Variants in TPGS2 observed in about 807,000 individuals in gnomAD.
TPGS2 encodes the protein tubulin polyglutamylase complex subunit 2.
TPGS2 carries 26 observed loss-of-function variants against 31.1 expected under a neutral mutation model. That is an observed-to-expected ratio of 0.84 (90% CI 0.61 to 1.16). The LOEUF (loss-of-function observed/expected upper bound fraction) is 1.16, where lower values mean the gene tolerates loss of function less well. Ranked by LOEUF, TPGS2 falls within the 50% of genes most tolerant of loss-of-function variation. The pLI is 0.00. For missense variants in TPGS2, 351 were observed against 363.8 expected (o/e 0.96, Z 0.29); for synonymous variants, 130 against 136.6 (o/e 0.95, Z 0.34).
intron 4 of TPGS2, among the ~76,000 whole-genome samples, chr18:36,802,389 G>T (rs72883573): frequency 6.6e-6 from 1 of 152,202 alleles, no homozygotes; most frequent in Non-Finnish European, 1.5e-5. Context: ...TTTAAGACAC[G>T]TTTTTAAAAT....
chr18:36,806,149 A>G (rs532938035), intron 3 of TPGS2: 1 of 152,334 alleles, frequency 6.6e-6, no homozygotes, highest in South Asian at 2.1e-4. Context: ...TGGAATGTCT[A>G]AGAATAAAAG....
chr18:36,796,576 C>T lies in TPGS2; in HGVS notation c.*229G>A. On this transcript the variant is annotated 3_prime_UTR_variant, in exon 7 of 7. Transcript: ENST00000334295. ...ACTCAGACTTATTTGGGCACTTACA[C>T]AAGATTCCAAATTCCCCATTGCTTC... 1 of 1,321,184 alleles carries T rather than the reference C, an allele frequency of 7.6e-7. No individual in the cohort carries two copies. Among genetic ancestry groups the T allele is most frequent in the Non-Finnish European group, 9.6e-7 (1 of 1,042,616 alleles). The allele number at this position is 1,321,184 out of a possible 1,614,324, so 81.8% of individuals were successfully genotyped here.
chr18:36,798,511 G>T lies in TPGS2; in HGVS notation c.595C>A (p.His199Asn). The part of the protein sequence containing the change: ...FTAYYRLLIT[H>N]LGLPQWQYAF... Reference sequence around the variant, plus strand: ...TATTGCCACTGGGGCAGGCCCAGGTGGGTGATGAGCAGGCGGTAATAGGCA... The same window carrying T: ...TATTGCCACTGGGGCAGGCCCAGGTTGGTGATGAGCAGGCGGTAATAGGCA... The change falls in exon 6 of 7, where the codon CAC (histidine) becomes AAC (asparagine). Residue 199 changes from histidine to asparagine, a missense_variant. Transcript: ENST00000334295. 6.2e-7 allele frequency: 1 copy of T among 1,614,218 alleles called. No individual in the cohort carries two copies. Among genetic ancestry groups the T allele is most frequent in the South Asian group, 1.1e-5 (1 of 91,080 alleles).
At chr18:36,824,001 C>T in intron 1 of TPGS2, 1 of 418,712 alleles carries the variant, frequency 2.4e-6, no homozygotes, top group Non-Finnish European at 3.2e-6. Flanking sequence ...TGCATCCTTT[C>T]CCCCAAAAGA....
At chr18:36,780,569 C>G (rs1299546149), downstream of TPGS2, among the ~76,000 whole-genome samples, 1 of 152,112 alleles carries the variant, frequency 6.6e-6, no homozygotes, top group East Asian at 1.9e-4. Flanking sequence ...TAGGCAGTTT[C>G]ATCATTGTGC....
At chr18:36,785,432 C>T (rs1003950465) in intron 6 of TPGS2, among the ~76,000 whole-genome samples, 4 of 152,178 alleles carry the variant, frequency 2.6e-5, no homozygotes, top group Non-Finnish European at 4.4e-5. Flanking sequence ...CAGCACCAAT[C>T]GGAAAGGTTC....
At chr18:36,813,871 G>A (rs1230634493) in intron 2 of TPGS2, among the ~76,000 whole-genome samples, 2 of 152,210 alleles carry the variant, frequency 1.3e-5, no homozygotes, top group Non-Finnish European at 2.9e-5. Context: ...CCCAGGCAGA[G>A]TAAGAGCATG....
At chr18:36,782,045 A>G (rs933148058), downstream of TPGS2, 2 of 617,278 alleles carry the variant, frequency 3.2e-6, no homozygotes, top group Non-Finnish European at 4.0e-6. Flanking sequence ...TTGGCACTGA[A>G]TGCAGATTTG....
At chr18:36,828,597 G>T in intron 1 of TPGS2, 86 bp downstream of exon 1, 1 of 1,452,272 alleles carries the variant, frequency 6.9e-7, no homozygotes, top group Non-Finnish European at 9.6e-7. Flanking sequence ...TGGGGCCAGC[G>T]TCGCACCGCT....
At chr18:36,818,869 G>A in intron 2 of TPGS2, 25 bp downstream of exon 2, 1 of 1,437,392 alleles carries the variant, frequency 7.0e-7, no homozygotes, top group Non-Finnish European at 9.8e-7. Flanking sequence ...TTGATGGGAG[G>A]TAGAGTTCAT....
intron 1 of TPGS2, chr18:36,820,883 TCCTG>T (rs2045864341): frequency 1.3e-5 from 2 of 152,218 alleles, no homozygotes; most frequent in South Asian, 4.1e-4. Flanking sequence ...ATTCTCCCTG[TCCTG>T]CCTTTGTGAC....
In TPGS2 at chr18:36,795,328, A is replaced by G; in HGVS notation, c.*1477T>C. The G allele has an allele frequency of 1.0e-6, 1 of 985,594 alleles. No individual in the cohort carries two copies. Among genetic ancestry groups the G allele is most frequent in the Non-Finnish European group, 1.2e-6 (1 of 830,052 alleles). 61.1% of individuals were successfully genotyped at this position (985,594 alleles called of 1,614,324 possible). On this transcript the variant is annotated 3_prime_UTR_variant, in exon 7 of 7. Coordinates refer to ENST00000334295, the MANE Select transcript of TPGS2 (RefSeq NM_015476.4). Reference sequence around the variant, plus strand: ...GCAAAGGAAGGAAGTCTGGCCAATCACCGGGGTAGAGAGAAGTCAGGAAAG... The same window carrying G: ...GCAAAGGAAGGAAGTCTGGCCAATCGCCGGGGTAGAGAGAAGTCAGGAAAG...
Position 36,818,946 on chromosome 18 carries a change from GT to G in TPGS2, c.112del (p.Thr38ProfsTer3). ...LESSPGVTEV[T>X]IIEKPPAERH... ...TTCAGCAGGAGGCTTTTCTATGATG[GT>G]CACCTCAGTCACACCTGGGGAAGAT... On this transcript the variant is annotated frameshift_variant, in exon 2 of 7. Coordinates refer to ENST00000334295, the MANE Select transcript of TPGS2 (RefSeq NM_015476.4). LOFTEE classifies it high-confidence loss of function. 1 of 1,613,662 alleles carries G rather than the reference GT, an allele frequency of 6.2e-7. No individual in the cohort carries two copies.
intron 5 of TPGS2, among the ~76,000 whole-genome samples, chr18:36,799,019 CG>C (rs1568004157): frequency 6.6e-6 from 1 of 152,088 alleles, no homozygotes; most frequent in East Asian, 1.9e-4. Flanking sequence ...AAGTCTCTAT[CG>C]GTGCCATGAA....
At chr18:36,798,406 T>C (rs369139521) in intron 6 of TPGS2, 43 bp downstream of exon 6, 1 of 1,611,596 alleles carries the variant, frequency 6.2e-7, no homozygotes, top group African/African-American at 1.3e-5. Flanking sequence ...CAGTAGATTT[T>C]GGAATATACC....
chr18:36,807,348 C>T (rs1036710511), intron 3 of TPGS2, among the ~76,000 whole-genome samples: 1 of 152,100 alleles, frequency 6.6e-6, no homozygotes, highest in Admixed American at 6.6e-5. Flanking sequence ...ATTGAGGTAG[C>T]TGGTGACTTA....
chr18:36,816,666 T>C (rs1369085966), intron 2 of TPGS2, among the ~76,000 whole-genome samples: 3 of 152,106 alleles, frequency 2.0e-5, no homozygotes, highest in Admixed American at 1.3e-4. Context: ...TGGAGTGCAG[T>C]TGTGCGATCT....
At position 36,796,990 on chromosome 18, in the gene TPGS2, C is replaced by T. The variant is rs1235411438; in HGVS notation, c.718G>A (p.Asp240Asn). ...YNTNLLTEET[D>N]SFVNKLDPSK... ...GGATCTAGCTTATTCACAAAGGAGT[C>T]GGTCTCTTCTGTGAGCAGGTTTGTG... The change falls in exon 7 of 7, where the codon GAC becomes AAC. Residue 240 changes from aspartate (D) to asparagine (N), a missense_variant. By Grantham distance (23) the Asp-to-Asn change is conservative. Coordinates refer to ENST00000334295, the MANE Select transcript of TPGS2 (RefSeq NM_015476.4). 9.4e-6 allele frequency: 15 copies of T among 1,601,514 alleles called. No individual in the cohort carries two copies. The highest frequency in any genetic ancestry group is 2.7e-5 in the African/African-American group (2 of 74,014).
chr18:36,807,880 C>T lies in TPGS2; in HGVS notation c.220G>A (p.Gly74Ser), dbSNP rs778260787. 1.2e-6 allele frequency: 2 copies of T among 1,614,140 alleles called. No individual in the cohort carries two copies. Among genetic ancestry groups the T allele is most frequent in the South Asian group, 1.1e-5 (1 of 91,084 alleles). ...DVKNFYLMTN[G>S]FHMTWSVKLD... is the part of the protein sequence containing the mutation. ...TTCACACTCCATGTCATGTGGAAGC[C>T]ATTGGTCATCAGGTAAAAGTTCTTC... The change falls in exon 3 of 7, where the codon GGC becomes AGC. Residue 74 changes from glycine (G) to serine (S), a missense_variant. Transcript: ENST00000334295.
Sources: allele counts gnomAD v4.1 joint callset (sites outside exome capture counted in the v4.1 genomes callset), GRCh38; gene constraint gnomAD v4.1.1; transcripts MANE v1.5; gene names NCBI Gene and HGNC (gene_info 2026-07-23, HGNC 2026-07-21).